Variants in GPHN observed in about 807,000 individuals in gnomAD.
GPHN encodes the protein gephyrin.
A neutral mutation model predicts 95.5 loss-of-function variants in GPHN; 17 were observed. The observed-to-expected ratio is 0.18, with a 90% CI of 0.12 to 0.27. The LOEUF (loss-of-function observed/expected upper bound fraction) is 0.27, where lower values mean the gene tolerates loss of function less well. Among genes scored for constraint, GPHN ranks in the 10% least tolerant of loss-of-function variants. The probability of loss-of-function intolerance (pLI) is 1.00; values close to 1 mark genes in which losing one functional copy is unlikely to be tolerated. For missense variants in GPHN, 660 were observed against 978.1 expected (o/e 0.67, Z 4.34); for synonymous variants, 320 against 322.5 (o/e 0.99, Z 0.08).
chr14:66,824,729 G>A (rs2061331208), intron 4 of GPHN, among the ~76,000 whole-genome samples, 163 bp downstream of exon 4: 1 of 152,096 alleles, frequency 6.6e-6, no homozygotes, highest in Non-Finnish European at 1.5e-5. Flanking sequence ...TGTGAAAAAT[G>A]TTTCCTGACT....
the GPHN span, among the ~76,000 whole-genome samples, chr14:67,728,700 T>TTA: frequency 1.6e-5 from 1 of 64,432 alleles, no homozygotes; most frequent in Admixed American, 1.6e-4. Context: ...CAGGGATATC[T>TTA]TGTGGGGGGG....
the GPHN span, among the ~76,000 whole-genome samples, chr14:67,371,945 G>A: frequency 6.6e-6 from 1 of 152,128 alleles, no homozygotes; most frequent in Non-Finnish European, 1.5e-5. Context: ...TGGAGTGTAT[G>A]GAATGCCAGT....
intron 1 of GPHN, among the ~76,000 whole-genome samples, chr14:66,647,985 G>A (rs1163355403): frequency 6.6e-6 from 1 of 152,148 alleles, no homozygotes; most frequent in Non-Finnish European, 1.5e-5. Flanking sequence ...TAATGTATCA[G>A]AAAGCTAGGC....
At chr14:67,704,527 C>T in the GPHN span, among the ~76,000 whole-genome samples, 2 of 152,096 alleles carry the variant, frequency 1.3e-5, no homozygotes, top group Non-Finnish European at 2.9e-5. Context: ...GTTAGGGGAT[C>T]TACTGCTTAT....
intron 18 of GPHN, among the ~76,000 whole-genome samples, chr14:67,156,870 T>C (rs2153714888): frequency 6.6e-6 from 1 of 151,570 alleles, no homozygotes; most frequent in South Asian, 2.1e-4. Flanking sequence ...CTCAGGAGGC[T>C]GAGACATGCA....
At chr14:67,388,071 A>T in the GPHN span, 2 of 589,562 alleles carry the variant, frequency 3.4e-6, no homozygotes, top group East Asian at 5.6e-5. Flanking sequence ...CCCTTTGTTC[A>T]ATTCTGAAAT....
At chr14:67,022,821 A>G (rs2153626313) in intron 9 of GPHN, among the ~76,000 whole-genome samples, 1 of 151,806 alleles carries the variant, frequency 6.6e-6, no homozygotes, top group East Asian at 1.9e-4. Context: ...TGGGAAGCAG[A>G]GGTCTGGAGC....
At chr14:67,551,587 C>T in the GPHN span, among the ~76,000 whole-genome samples, 7 of 152,160 alleles carry the variant, frequency 4.6e-5, no homozygotes, top group South Asian at 2.1e-4. Context: ...CATTCTCTCC[C>T]GTGGGTGCAA....
At chr14:67,502,525 T>C in the GPHN span, among the ~76,000 whole-genome samples, 2 of 147,034 alleles carry the variant, frequency 1.4e-5, no homozygotes, top group Non-Finnish European at 3.0e-5. Context: ...TGATCTCAGC[T>C]CACTGCAACC....
At chr14:67,411,974 G>T in the GPHN span, 3 of 1,502,952 alleles carry the variant, frequency 2.0e-6, no homozygotes, top group Admixed American at 2.1e-5. Flanking sequence ...CCGCGTCGGC[G>T]GGGCCCCACC....
At chr14:67,235,518 A>C in the GPHN span, among the ~76,000 whole-genome samples, 6,358 of 152,188 alleles carry the variant, frequency 0.042, 809 homozygotes, top group East Asian at 0.41. Context: ...AATCGAGACC[A>C]TCCTGGCTAA....
chr14:67,176,028 A>T (rs1291667281), intron 21 of GPHN, among the ~76,000 whole-genome samples: 1 of 152,200 alleles, frequency 6.6e-6, no homozygotes, highest in Non-Finnish European at 1.5e-5. Context: ...TCAAACAGAG[A>T]CAATTTGACT....
At chr14:66,551,961 C>T (rs1305504940) in intron 1 of GPHN, among the ~76,000 whole-genome samples, 1 of 152,132 alleles carries the variant, frequency 6.6e-6, no homozygotes, top group Non-Finnish European at 1.5e-5. Flanking sequence ...AAATCAAAAC[C>T]GTATCAGCAC....
the GPHN span, among the ~76,000 whole-genome samples, chr14:67,261,789 C>T: frequency 6.6e-6 from 1 of 151,854 alleles, no homozygotes; most frequent in South Asian, 2.1e-4. Flanking sequence ...GTACTTTGAG[C>T]AATAGATATC....
chr14:67,539,922 A>G, the GPHN span, among the ~76,000 whole-genome samples: 1 of 152,208 alleles, frequency 6.6e-6, no homozygotes, highest in Non-Finnish European at 1.5e-5. Context: ...AGCTACTTGT[A>G]GTGTATGATG....
chr14:67,279,428 A>C, the GPHN span: 1 of 1,613,956 alleles, frequency 6.2e-7, no homozygotes, highest in East Asian at 2.2e-5. Context: ...CTTCCATGAG[A>C]CTTAAGAAAC....
chr14:66,592,227 C>T (rs13225529), intron 1 of GPHN, among the ~76,000 whole-genome samples: 1 of 152,116 alleles, frequency 6.6e-6, no homozygotes. Flanking sequence ...CAATACCATT[C>T]AGGACATAGG....
chr14:67,170,793 C>A (rs573594193), intron 21 of GPHN, among the ~76,000 whole-genome samples: 1 of 152,184 alleles, frequency 6.6e-6, no homozygotes, highest in Non-Finnish European at 1.5e-5. Context: ...TCCAAATCAT[C>A]CCCACATCAG....
chr14:67,562,331 A>G, the GPHN span: 332 of 1,613,810 alleles, frequency 2.1e-4, no homozygotes, highest in Non-Finnish European at 2.6e-4. Context: ...TGAAGCAGCA[A>G]GCCCCTTGGA....
Sources: gnomAD v4.1 joint callset for allele counts (sites outside exome capture counted in the v4.1 genomes callset) on GRCh38, gnomAD v4.1.1 for gene constraint, MANE v1.5 for transcripts, NCBI Gene and HGNC (gene_info 2026-07-23, HGNC 2026-07-21) for gene names.